MS4A1: variants seen among roughly 807,000 people sequenced by gnomAD.
MS4A1 encodes the protein B-lymphocyte antigen CD20.
Under a neutral mutation model 26.5 loss-of-function variants are expected in MS4A1, and 16 were observed. The observed-to-expected ratio is 0.60, with a 90% CI of 0.41 to 0.92. The LOEUF is 0.92. Ranked by LOEUF, MS4A1 falls within the 40% of genes least tolerant of loss-of-function variation. The probability of loss-of-function intolerance (pLI) is 0.00; values close to 1 mark genes in which losing one functional copy is unlikely to be tolerated. For synonymous variants in MS4A1, 128 were observed against 117.6 expected, an observed-to-expected ratio of 1.09 and a Z score of -0.57; for missense variants, 350 against 353.0, an observed-to-expected ratio of 0.99 and a Z score of 0.07.
rs750750363 is a variant in MS4A1, at chr11:60,466,978, T to C, written c.593T>C (p.Leu198Pro). The C allele has an allele frequency of 6.2e-7, 1 of 1,614,222 alleles. No individual in the cohort carries two copies. The highest frequency in any genetic ancestry group is 8.5e-7 in the Non-Finnish European group (1 of 1,180,038). Residue 198 changes from leucine (L) to proline (P), a missense_variant, in exon 7 of 8, where the codon CTG becomes CCG. By Grantham distance (98) the Leu-to-Pro change is moderately conservative. Coordinates refer to ENST00000345732, the MANE Select transcript of MS4A1 (RefSeq NM_152866.3). ...SLFLGILSVM[L>P]IFAFFQELVI... Reference sequence around the variant, plus strand: ...TTTCAGGGCATTTTGTCAGTGATGCTGATCTTTGCCTTCTTCCAGGAACTT... The same window carrying C: ...TTTCAGGGCATTTTGTCAGTGATGCCGATCTTTGCCTTCTTCCAGGAACTT...
rs202143152 is a variant in MS4A1 at position 60,462,562 on chromosome 11, G to A, written c.159+29G>A. ...AGTCAGTTGCCTTCCATCCCATGTC[G>A]TAGGGATTCTCTGGCTGACAGAAGC... On this transcript the variant is annotated intron_variant, in intron 3 of 7. Transcript: ENST00000345732. 5.7e-5 allele frequency: 92 copies of A among 1,613,776 alleles called. 1 individual carries two copies. The East Asian group carries it at 9.6e-4, about 17-fold the overall frequency.
At position 60,468,546 on chromosome 11, in the gene MS4A1, C is replaced by T; in HGVS notation, c.*78C>T. On this transcript the variant is annotated 3_prime_UTR_variant, in exon 8 of 8. Coordinates refer to ENST00000345732, the MANE Select transcript of MS4A1 (RefSeq NM_152866.3). ...CCAAGAGACATGCTGACTTTCATTT[C>T]TTGAGGTACTCTGCACATACGCACC... 7.4e-7 allele frequency: 1 copy of T among 1,351,364 alleles called. No individual in the cohort carries two copies. The highest frequency in any genetic ancestry group is 1.2e-5 in the South Asian group (1 of 82,038). 83.7% of individuals were successfully genotyped at this position (1,351,364 alleles called of 1,614,324 possible).
chr11:60,469,559 A>T lies in MS4A1; in HGVS notation c.*1091A>T, dbSNP rs553090374. The T allele has an allele frequency of 4.6e-5, 7 of 152,298 alleles. No individual in the cohort carries two copies. In the East Asian group the frequency reaches 1.3e-3, roughly 29 times the overall value. The allele number at this position is 152,298 out of a possible 1,614,324, so 9.4% of individuals were successfully genotyped here. Reference sequence around the variant, plus strand: ...TGACCAGCAATAAACAAGCACTGAGAGACACAGAGAGCCAGATTCAGATTT... The same window carrying T: ...TGACCAGCAATAAACAAGCACTGAGTGACACAGAGAGCCAGATTCAGATTT... On this transcript the variant is annotated 3_prime_UTR_variant, in exon 8 of 8. Coordinates refer to ENST00000345732, the MANE Select transcript of MS4A1 (RefSeq NM_152866.3).
rs2086323053 is a variant in MS4A1 at position 60,469,188 on chromosome 11, T to C, written c.*720T>C. The stretch of plus-strand genomic sequence containing the variant: ...ATGCGAGAAAAGAAAAAAATGACCA[T>C]AGAAAATGCCACCATGAGGTGCCCA... On this transcript the variant is annotated 3_prime_UTR_variant, in exon 8 of 8. Coordinates refer to ENST00000345732, the MANE Select transcript of MS4A1 (RefSeq NM_152866.3). The C allele has an allele frequency of 1.3e-5, 2 of 152,184 alleles. No homozygotes were observed. The highest frequency in any genetic ancestry group is 1.3e-4 in the Admixed American group (2 of 15,282). 9.4% of individuals were successfully genotyped at this position (152,184 alleles called of 1,614,324 possible).
chr11:60,461,333 G>A (rs541278112), intron 2 of MS4A1, among the ~76,000 whole-genome samples, 173 bp downstream of exon 2: 1 of 151,580 alleles, frequency 6.6e-6, no homozygotes, highest in East Asian at 1.9e-4. Context: ...CATGAGCCCA[G>A]TTAAGTGTTA....
intron 2 of MS4A1, 97 bp downstream of exon 2, chr11:60,461,257 G>T (rs951734956): frequency 7.6e-4 from 115 of 151,782 alleles, no homozygotes; most frequent in African/African-American, 2.8e-3. Context: ...AGGGTTCAAG[G>T]TAGGCTCCTC....
Position 60,465,904 on chromosome 11 carries a change from CTG to C in MS4A1, c.337-13_337-12del. 6.3e-7 allele frequency: 1 copy of C among 1,582,946 alleles called. No homozygotes were observed. Among genetic ancestry groups the C allele is most frequent in the African/African-American group, 1.3e-5 (1 of 74,424 alleles). On this transcript the variant is annotated splice_polypyrimidine_tract_variant and intron_variant, in intron 5 of 7. Coordinates refer to ENST00000345732, the MANE Select transcript of MS4A1 (RefSeq NM_152866.3). The stretch of plus-strand genomic sequence containing the variant: ...GGGAAATCAAACCCAATTAATAAAT[CTG>C]TGTCTCCATTTCAGGTCAAAGGAAA...
rs1169172658 is a variant in MS4A1, at chr11:60,470,588, C to T, written c.*2120C>T. ...TTCCTATGACCTTCTCCCCGATTATCCCTTTGGCAATATAGAGTCAAATAA... is the reference window on the plus strand; with the variant it reads ...TTCCTATGACCTTCTCCCCGATTATTCCTTTGGCAATATAGAGTCAAATAA... On this transcript the variant is annotated 3_prime_UTR_variant, in exon 8 of 8. Coordinates refer to ENST00000345732, the MANE Select transcript of MS4A1 (RefSeq NM_152866.3). The T allele has an allele frequency of 2.0e-5, 3 of 151,930 alleles. No individual in the cohort carries two copies. The highest frequency in any genetic ancestry group is 4.4e-5 in the Non-Finnish European group (3 of 67,844). 9.4% of individuals were successfully genotyped at this position (151,930 alleles called of 1,614,324 possible).
chr11:60,463,073 T>C lies in MS4A1; in HGVS notation c.231T>C (p.Tyr77=). The C allele has an allele frequency of 6.2e-7, 1 of 1,614,164 alleles. No homozygotes were observed. Among genetic ancestry groups the C allele is most frequent in the South Asian group, 1.1e-5 (1 of 91,082 alleles). ...GGLLMIPAGI[Y]APICVTVWYP... ...TTCTGATGATCCCAGCAGGGATCTA[T>C]GCACCCATCTGTGTGACTGTGTGGT... The change falls in exon 4 of 8, where the codon TAT becomes TAC. Residue 77 remains tyrosine, a synonymous_variant. Transcript: ENST00000345732.
In MS4A1 at chr11:60,466,107, A is replaced by G. The variant is rs879173666; in HGVS notation, c.523A>G (p.Lys175Glu). ...CTGTGAACCAGCTAATCCCTCTGAG[A>G]AAAACTCCCCATCTACCCAATACTG... ...YNCEPANPSE[K>E]NSPSTQYCYS... Residue 175 changes from lysine (K) to glutamate (E), a missense_variant, in exon 6 of 8, where the codon AAA becomes GAA. By Grantham distance (56) the Lys-to-Glu change is moderately conservative. Transcript: ENST00000345732. 1 of 1,613,848 alleles carries G rather than the reference A, an allele frequency of 6.2e-7. No homozygotes were observed. Among genetic ancestry groups the G allele is most frequent in the Non-Finnish European group, 8.5e-7 (1 of 1,179,758 alleles).
chr11:60,469,907 G>C lies in MS4A1; in HGVS notation c.*1439G>C, dbSNP rs1318915967. 1 of 151,938 alleles carries C rather than the reference G, an allele frequency of 6.6e-6. No homozygotes were observed. The highest frequency in any genetic ancestry group is 1.5e-5 in the Non-Finnish European group (1 of 67,902). 9.4% of individuals were successfully genotyped at this position (151,938 alleles called of 1,614,324 possible). On this transcript the variant is annotated 3_prime_UTR_variant, in exon 8 of 8. Coordinates refer to ENST00000345732, the MANE Select transcript of MS4A1 (RefSeq NM_152866.3). ...GGCAGGTAAAGAGACAATGTAATTT[G>C]CACTCCCTATGATATTTCTACATTT...
Position 60,462,421 on chromosome 11 carries a change from C to T in MS4A1, c.47C>T (p.Pro16Leu), listed in dbSNP as rs768892705. The T allele has an allele frequency of 1.2e-6, 2 of 1,614,150 alleles. No homozygotes were observed. The highest frequency in any genetic ancestry group is 8.5e-7 in the Non-Finnish European group (1 of 1,180,032). Residue 16 changes from proline to leucine, a missense_variant, in exon 3 of 8, where the codon CCA (proline) becomes CTA (leucine). Physicochemically the swap from Pro to Leu is moderately conservative, Grantham distance 98 (BLOSUM62 -3). Transcript: ENST00000345732. The stretch of plus-strand genomic sequence containing the variant: ...GTAAATGGGACTTTCCCGGCAGAGC[C>T]AATGAAAGGCCCTATTGCTATGCAA... ...NSVNGTFPAE[P>L]MKGPIAMQSG...
chr11:60,460,028 T>C (rs2086235443), intron 1 of MS4A1, among the ~76,000 whole-genome samples: 1 of 152,008 alleles, frequency 6.6e-6, no homozygotes, highest in South Asian at 2.1e-4. Context: ...GGCAGATTGC[T>C]TGAGTCCAGG....
chr11:60,461,671 C>T (rs919896490), intron 2 of MS4A1, among the ~76,000 whole-genome samples: 1 of 151,662 alleles, frequency 6.6e-6, no homozygotes, highest in Non-Finnish European at 1.5e-5. Flanking sequence ...AGGTGCACAC[C>T]AACATGCCTG....
intron 5 of MS4A1, among the ~76,000 whole-genome samples, chr11:60,465,409 CT>C (rs904109046): frequency 2.0e-5 from 3 of 152,148 alleles, no homozygotes; most frequent in African/African-American, 4.8e-5. Context: ...GTTGCTTCTG[CT>C]TTTTTTATTT....
Position 60,462,938 on chromosome 11 carries a change from T to C in MS4A1, c.160-64T>C, listed in dbSNP as rs564624616. ...AAGTCAGGAGCCAGAGCTTCCAACC[T>C]TGTCTTTGCCTGCTAGCAGTGATGA... On this transcript the variant is annotated intron_variant, in intron 3 of 7. Coordinates refer to ENST00000345732, the MANE Select transcript of MS4A1 (RefSeq NM_152866.3). 2.5e-6 allele frequency: 4 copies of C among 1,607,168 alleles called. No individual in the cohort carries two copies. In the African/African-American group the frequency reaches 5.3e-5, roughly 21 times the overall value.
intron 5 of MS4A1, among the ~76,000 whole-genome samples, 180 bp downstream of exon 5, chr11:60,464,524 G>A (rs892619857): frequency 1.3e-5 from 2 of 152,182 alleles, no homozygotes; most frequent in Admixed American, 6.5e-5. Context: ...TCTATCTGAA[G>A]TATGTTCATG....
intron 5 of MS4A1, among the ~76,000 whole-genome samples, chr11:60,464,966 C>A (rs986156643): frequency 3.3e-5 from 5 of 152,162 alleles, no homozygotes; most frequent in Admixed American, 3.3e-4. Context: ...GCAGCAAGTT[C>A]GCTCCCAAAA....
intron 4 of MS4A1, 58 bp downstream of exon 4, chr11:60,463,179 T>C (rs1407660115): frequency 6.2e-7 from 1 of 1,608,486 alleles, no homozygotes; most frequent in Non-Finnish European, 8.5e-7. Flanking sequence ...GTTAAAAGGC[T>C]CCACAGGGAT....
Sources: allele counts gnomAD v4.1 joint callset (sites outside exome capture counted in the v4.1 genomes callset), GRCh38; gene constraint gnomAD v4.1.1; transcripts MANE v1.5; gene names NCBI Gene and HGNC (gene_info 2026-07-23, HGNC 2026-07-21).